PCDHGA4: variants seen among roughly 807,000 people sequenced by gnomAD.
The protein encoded by PCDHGA4 is protocadherin gamma subfamily A, 4, also known as protocadherin gamma-A4.
In PCDHGA4, 38 loss-of-function variants were observed where a neutral mutation model predicts 54.6. The observed-to-expected ratio is 0.70, with a 90% CI of 0.54 to 0.91. The LOEUF (loss-of-function observed/expected upper bound fraction) is 0.91. Ranked by LOEUF, PCDHGA4 falls within the 40% of genes least tolerant of loss-of-function variation. The pLI is 0.00. For missense variants in PCDHGA4, 1,298 were observed against 1,220.9 expected (o/e 1.06, Z -0.94); for synonymous variants, 511 against 512.9 (o/e 1.00, Z 0.05).
intron 3 of PCDHGA4, among the ~76,000 whole-genome samples, chr5:141,510,639 T>TATCA (rs998925545): frequency 1.4e-4 from 22 of 152,300 alleles, no homozygotes; most frequent in African/African-American, 4.6e-4. Context: ...TGGTTACCAT[T>TATCA]ATCATCCCCA....
intron 1 of PCDHGA4, among the ~76,000 whole-genome samples, chr5:141,479,878 A>G (rs1033313584): frequency 2.0e-5 from 3 of 152,170 alleles, no homozygotes; most frequent in African/African-American, 7.2e-5. Context: ...AGAACCCTAT[A>G]CATACTCTCA....
At chr5:141,474,671 A>G (rs2099352865) in intron 1 of PCDHGA4, among the ~76,000 whole-genome samples, 1 of 152,204 alleles carries the variant, frequency 6.6e-6, no homozygotes, top group South Asian at 2.1e-4. Context: ...TACCTAACCT[A>G]TGTGCCTACC....
Position 141,477,071 on chromosome 5 carries a change from G to T in PCDHGA4, c.2515-17736G>T. 6.2e-7 allele frequency: 1 copy of T among 1,614,226 alleles called. No individual in the cohort carries two copies. The highest frequency in any genetic ancestry group is 8.5e-7 in the Non-Finnish European group (1 of 1,180,030). ...GGACTTCGAGGACACCAAACTCCAT[G>T]AGATTTACATCCAGGCCAAAGACAA... is the stretch of plus-strand genomic sequence containing the variant. On this transcript the variant is annotated intron_variant, in intron 1 of 3. Coordinates refer to ENST00000571252, the MANE Select transcript of PCDHGA4 (RefSeq NM_018917.4). This position sits in a 1 kb window ranked among gnomAD's most constrained non-coding sequence, Gnocchi z 4.9.
In PCDHGA4 at chr5:141,403,600, T is replaced by C. The variant is rs530169293; in HGVS notation, c.2514+45979T>C. 72 of 1,613,786 alleles carry C rather than the reference T, an allele frequency of 4.5e-5. 1 individual carries two copies. The East Asian group carries it at 1.6e-3, about 35-fold the overall frequency. On this transcript the variant is annotated intron_variant, in intron 1 of 3. Coordinates refer to ENST00000571252, the MANE Select transcript of PCDHGA4 (RefSeq NM_018917.4). ...ACCACCTGGTCCTCACGGCCTCGGATGGCGGCGAGCCGCGTCGCTCCAGCA... is the reference window on the plus strand; with the variant it reads ...ACCACCTGGTCCTCACGGCCTCGGACGGCGGCGAGCCGCGTCGCTCCAGCA...
At chr5:141,368,627 T>C (rs1237870416) in intron 1 of PCDHGA4, among the ~76,000 whole-genome samples, 2 of 152,216 alleles carry the variant, frequency 1.3e-5, no homozygotes, top group Non-Finnish European at 2.9e-5. Context: ...ACATTTCTTC[T>C]GAGTTAAATG....
chr5:141,443,163 T>C (rs1054542792), intron 1 of PCDHGA4, among the ~76,000 whole-genome samples: 3 of 152,172 alleles, frequency 2.0e-5, no homozygotes, highest in Non-Finnish European at 4.4e-5. Context: ...TTTATTTCCC[T>C]ACCCATGTCC....
chr5:141,497,885 A>T (rs1469477968), intron 2 of PCDHGA4, among the ~76,000 whole-genome samples: 1 of 152,166 alleles, frequency 6.6e-6, no homozygotes, highest in Non-Finnish European at 1.5e-5. Flanking sequence ...AAGCGTTAGG[A>T]TCTAGTCCAG....
At chr5:141,401,726 A>T (rs943909540) in intron 1 of PCDHGA4, among the ~76,000 whole-genome samples, 1 of 152,186 alleles carries the variant, frequency 6.6e-6, no homozygotes, top group African/African-American at 2.4e-5. Context: ...AAAAACTACT[A>T]GTCTTGTGTA....
chr5:141,437,512 G>A (rs1201910374), intron 1 of PCDHGA4, among the ~76,000 whole-genome samples: 2 of 152,144 alleles, frequency 1.3e-5, no homozygotes, highest in African/African-American at 2.4e-5. Flanking sequence ...TGAATTATAA[G>A]GCTGATGACA....
At chr5:141,389,790 G>A (rs1328126483) in intron 1 of PCDHGA4, 4 of 1,613,352 alleles carry the variant, frequency 2.5e-6, no homozygotes, top group Non-Finnish European at 3.4e-6. Flanking sequence ...CAGGGACGCC[G>A]TCCGCCAGCG....
In PCDHGA4 at chr5:141,408,993, T is replaced by G. The variant is rs1258002192; in HGVS notation, c.2514+51372T>G. The G allele has an allele frequency of 1.2e-6, 2 of 1,613,814 alleles. No homozygotes were observed. The highest frequency in any genetic ancestry group is 2.7e-5 in the African/African-American group (2 of 74,912). On this transcript the variant is annotated intron_variant, in intron 1 of 3. Transcript: ENST00000571252. Reference sequence around the variant, plus strand: ...CCCCCTGGGTCCCCTGTGTTGCAAGTGACAGCCACTGACCAGGATGAGGGG... The same window carrying G: ...CCCCCTGGGTCCCCTGTGTTGCAAGGGACAGCCACTGACCAGGATGAGGGG...
chr5:141,381,798 CTCTTTCTTTCTT>C (rs372235829), intron 1 of PCDHGA4, among the ~76,000 whole-genome samples: 1 of 144,134 alleles, frequency 6.9e-6, no homozygotes, highest in Non-Finnish European at 1.5e-5. Flanking sequence ...AGGCAATTCC[CTCTTTCTTTCTT>C]TCTTTCTTTC....
chr5:141,457,972 A>AC (rs1198043621), intron 1 of PCDHGA4, among the ~76,000 whole-genome samples: 4 of 152,218 alleles, frequency 2.6e-5, no homozygotes, highest in African/African-American at 9.6e-5. Flanking sequence ...TTAAAGGGAA[A>AC]CACACCCTTT....
rs1404447940 is a variant in PCDHGA4 at position 141,428,036 on chromosome 5, C to T, written c.2515-66771C>T. On this transcript the variant is annotated intron_variant, in intron 1 of 3. Transcript: ENST00000571252. ...TGCCACGCGCCGCAGAGTCCGGCTA[C>T]CTGGTGACCAAGGTGGTGGCGGTGG... The T allele has an allele frequency of 3.7e-6, 6 of 1,608,246 alleles. No homozygotes were observed. The African/African-American group carries it at 4.0e-5, about 11-fold the overall frequency.
intron 3 of PCDHGA4, among the ~76,000 whole-genome samples, chr5:141,506,923 C>G: frequency 6.6e-6 from 1 of 152,184 alleles, no homozygotes; most frequent in African/African-American, 2.4e-5. Flanking sequence ...ACATACTAAA[C>G]AAACTTTAGG....
chr5:141,357,393 G>A lies in PCDHGA4; in HGVS notation c.2286G>A (p.Arg762=), dbSNP rs759583141. The change falls in exon 1 of 4, where the codon AGG becomes AGA. Residue 762 remains arginine, a synonymous_variant. Coordinates refer to ENST00000571252, the MANE Select transcript of PCDHGA4 (RefSeq NM_018917.4). Reference sequence around the variant, plus strand: ...GCCTGCTTCACGCTGAAGGCAGCAGGTTGGCAGGTGTGCCTGCCTCGCACT... The same window carrying A: ...GCCTGCTTCACGCTGAAGGCAGCAGATTGGCAGGTGTGCCTGCCTCGCACT... ...KSRLLHAEGS[R]LAGVPASHFV... is the part of the protein sequence containing the mutation. The A allele has an allele frequency of 6.2e-6, 10 of 1,614,130 alleles. No homozygotes were observed. The African/African-American group carries it at 1.3e-4, about 22-fold the overall frequency.
chr5:141,379,889 C>CTTTTGTTTTTTTTT (rs1775942254), intron 1 of PCDHGA4, among the ~76,000 whole-genome samples: 1 of 50,830 alleles, frequency 2.0e-5, no homozygotes, highest in African/African-American at 6.6e-5. Context: ...GTGAAAGCCT[C>CTTTTGTTTTTTTTT]TTTTTTTTTT....
intron 1 of PCDHGA4, among the ~76,000 whole-genome samples, chr5:141,386,528 T>G (rs1181319415): frequency 6.6e-6 from 1 of 152,148 alleles, no homozygotes; most frequent in African/African-American, 2.4e-5. Context: ...AAGACTCTTT[T>G]TAGACTAGTG....
chr5:141,409,997 G>T, intron 1 of PCDHGA4: 3 of 1,613,224 alleles, frequency 1.9e-6, no homozygotes, highest in Non-Finnish European at 2.5e-6. Flanking sequence ...CGCCGACTCG[G>T]GACACAACGC....
Sources: gnomAD v4.1 joint callset for allele counts (sites outside exome capture counted in the v4.1 genomes callset) on GRCh38, gnomAD v4.1.1 for gene constraint, Gnocchi (gnomAD v3.1) non-coding constraint, MANE v1.5 for transcripts, NCBI Gene and HGNC (gene_info 2026-07-23, HGNC 2026-07-21) for gene names.